Variants in MTHFD2L observed in about 807,000 individuals in gnomAD.
MTHFD2L encodes the protein methylenetetrahydrofolate dehydrogenase (NADP+ dependent) 2 like, also known as bifunctional methylenetetrahydrofolate dehydrogenase/cyclohydrolase 2, mitochondrial.
MTHFD2L carries 29 observed loss-of-function variants against 34.9 expected under a neutral mutation model. The observed-to-expected ratio is 0.83, with a 90% confidence interval of 0.62 to 1.13. The LOEUF (loss-of-function observed/expected upper bound fraction) is 1.13. Among genes scored for constraint, MTHFD2L ranks in the 50% most tolerant of loss-of-function variants. The pLI is 0.00. For synonymous variants in MTHFD2L, 167 were observed against 155.7 expected (o/e 1.07, Z -0.54); for missense variants, 481 against 446.5 (o/e 1.08, Z -0.70).
At chr4:74,247,518 T>G (rs1331839612) in intron 6 of MTHFD2L, among the ~76,000 whole-genome samples, 1 of 152,106 alleles carries the variant, frequency 6.6e-6, no homozygotes, top group Non-Finnish European at 1.5e-5. Context: ...AACACTATGT[T>G]GTATAGGAGT....
At chr4:74,243,172 G>A (rs1560523947) in intron 6 of MTHFD2L, among the ~76,000 whole-genome samples, 1 of 152,174 alleles carries the variant, frequency 6.6e-6, no homozygotes, top group Non-Finnish European at 1.5e-5. Flanking sequence ...CTTTTTAAGG[G>A]TTTATGATTA....
chr4:74,301,872 C>G lies in MTHFD2L; in HGVS notation c.*63C>G, dbSNP rs1421620251. On this transcript the variant is annotated 3_prime_UTR_variant, in exon 8 of 8. Coordinates refer to ENST00000325278, the MANE Select transcript of MTHFD2L (RefSeq NM_001144978.3). The stretch of plus-strand genomic sequence containing the variant: ...TTTGTTTATTTGACAAAGGGTAAAA[C>G]CTTTATATTTTACTACAAAGCTATT... The G allele has an allele frequency of 1.0e-6, 1 of 984,758 alleles. No homozygotes were observed. Among genetic ancestry groups the G allele is most frequent in the Non-Finnish European group, 1.5e-6 (1 of 662,782 alleles). The allele number at this position is 984,758 out of a possible 1,614,324, so 61.0% of individuals were successfully genotyped here.
At chr4:74,178,487 C>T (rs1003302600) in intron 3 of MTHFD2L, among the ~76,000 whole-genome samples, 6 of 152,078 alleles carry the variant, frequency 3.9e-5, no homozygotes, top group African/African-American at 9.6e-5. Context: ...ATTAGCAGCT[C>T]GCTGCTAGAT....
chr4:74,241,570 G>T, intron 6 of MTHFD2L: 1 of 449,138 alleles, frequency 2.2e-6, no homozygotes, highest in Non-Finnish European at 4.5e-6. Flanking sequence ...TTTGTAGAGA[G>T]ATTTCACCAT....
chr4:74,193,423 A>G (rs1732916598), intron 3 of MTHFD2L, among the ~76,000 whole-genome samples: 2 of 152,170 alleles, frequency 1.3e-5, no homozygotes, highest in Admixed American at 6.5e-5. Flanking sequence ...ATTGCTTTGG[A>G]TATTCTAAGT....
At chr4:74,268,263 A>G in intron 6 of MTHFD2L, 1 of 983,884 alleles carries the variant, frequency 1.0e-6, no homozygotes, top group Non-Finnish European at 1.2e-6. Flanking sequence ...ATAATGCTGA[A>G]GAAAGTTTTT....
At chr4:74,131,929 G>A (rs190979784) in intron 1 of MTHFD2L, among the ~76,000 whole-genome samples, 1,537 of 152,190 alleles carry the variant, frequency 0.01, 20 homozygotes, top group African/African-American at 0.036. Flanking sequence ...GGTGAAGGAT[G>A]TGAACAGACA....
At chr4:74,159,302 T>C (rs1450242900) in intron 1 of MTHFD2L, among the ~76,000 whole-genome samples, 5 of 152,192 alleles carry the variant, frequency 3.3e-5, no homozygotes, top group African/African-American at 1.2e-4. Flanking sequence ...GAATCAGAGT[T>C]GTGTAAGCTG....
intron 7 of MTHFD2L, chr4:74,288,306 G>T (rs1748454368): frequency 6.6e-6 from 1 of 152,092 alleles, no homozygotes. Flanking sequence ...CTAAGGAAAA[G>T]TGAAAGAGAG....
intron 6 of MTHFD2L, among the ~76,000 whole-genome samples, chr4:74,236,250 G>A (rs184885994): frequency 4.3e-4 from 66 of 152,230 alleles, no homozygotes; most frequent in Non-Finnish European, 8.5e-4. Context: ...CCTGGTTTTA[G>A]TAACTCTGGA....
In MTHFD2L at chr4:74,301,755, A is replaced by G; in HGVS notation, c.990A>G (p.Thr330=). ...TTCCAGGAGGTGTGGGACCCATGAC[A>G]GTGGCAATGCTTCTGAAGAACACCC... ...TPVPGGVGPM[T]VAMLLKNTLL... Residue 330 remains threonine, a synonymous_variant, in exon 8 of 8, where the codon ACA becomes ACG. Transcript: ENST00000325278. 1 of 1,609,454 alleles carries G rather than the reference A, an allele frequency of 6.2e-7. No individual in the cohort carries two copies. Among genetic ancestry groups the G allele is most frequent in the South Asian group, 1.1e-5 (1 of 90,452 alleles).
chr4:74,251,456 A>G (rs1300203484), intron 6 of MTHFD2L, among the ~76,000 whole-genome samples: 1 of 152,188 alleles, frequency 6.6e-6, no homozygotes, highest in Non-Finnish European at 1.5e-5. Flanking sequence ...CATACATCCT[A>G]TACTCTAATT....
At chr4:74,120,263 C>T (rs568346499), upstream of MTHFD2L, among the ~76,000 whole-genome samples, 1 of 152,236 alleles carries the variant, frequency 6.6e-6, no homozygotes, top group Admixed American at 6.5e-5. Flanking sequence ...TGTTGAGGTA[C>T]AATTGTTACA....
chr4:74,228,275 A>G (rs563760911), intron 6 of MTHFD2L, among the ~76,000 whole-genome samples: 1 of 152,298 alleles, frequency 6.6e-6, no homozygotes, highest in Non-Finnish European at 1.5e-5. Flanking sequence ...TATTATACTG[A>G]CTTCTTTTTA....
At chr4:74,156,815 A>G (rs1402720920), upstream of MTHFD2L, 1 of 151,980 alleles carries the variant, frequency 6.6e-6, no homozygotes, top group Non-Finnish European at 1.5e-5. Context: ...AATGATATTG[A>G]ATATTTTTCC....
chr4:74,119,480 G>A (rs28846219), upstream of MTHFD2L, among the ~76,000 whole-genome samples: 245 of 152,218 alleles, frequency 1.6e-3, 1 homozygote, highest in Middle Eastern at 6.8e-3. Context: ...CAAAAAGAAA[G>A]CTGCATTTAA....
In MTHFD2L at chr4:74,302,006, C is replaced by T. The variant is rs542134376; in HGVS notation, c.*197C>T. On this transcript the variant is annotated 3_prime_UTR_variant, in exon 8 of 8. Transcript: ENST00000325278. ...TTTATTTTGAGTTTTAAGAAAACAA[C>T]CAAAACAATTCCAATGAAAATTTTA... The T allele has an allele frequency of 1.5e-5, 6 of 401,152 alleles. No homozygotes were observed. The highest frequency in any genetic ancestry group is 7.7e-5 in the East Asian group (2 of 26,052). The allele number at this position is 401,152 out of a possible 1,614,324, so 24.8% of individuals were successfully genotyped here.
At chr4:74,200,940 T>A (rs1159322677) in intron 4 of MTHFD2L, among the ~76,000 whole-genome samples, 1 of 152,228 alleles carries the variant, frequency 6.6e-6, no homozygotes, top group Non-Finnish European at 1.5e-5. Context: ...TGTTGTACTT[T>A]GCTTTTTTTA....
intron 3 of MTHFD2L, among the ~76,000 whole-genome samples, chr4:74,197,887 A>G (rs1733758936): frequency 6.6e-6 from 1 of 152,080 alleles, no homozygotes; most frequent in African/African-American, 2.4e-5. Flanking sequence ...TCTCCTGGAA[A>G]AAGATATATG....
Sources: gnomAD v4.1 joint callset for allele counts (sites outside exome capture counted in the v4.1 genomes callset) on GRCh38, gnomAD v4.1.1 for gene constraint, MANE v1.5 for transcripts, NCBI Gene and HGNC (gene_info 2026-07-23, HGNC 2026-07-21) for gene names.